CSMD1: variants seen among roughly 807,000 people sequenced by gnomAD.
CSMD1 encodes the protein CUB and Sushi multiple domains 1.
CSMD1 carries 213 observed loss-of-function variants against 417.5 expected under a neutral mutation model. That is an observed-to-expected ratio of 0.51 (90% CI 0.46 to 0.57). The LOEUF (loss-of-function observed/expected upper bound fraction) is 0.57, where lower values mean the gene tolerates loss of function less well. CSMD1 is among the 20% of genes least tolerant of loss of function. The pLI, the probability that CSMD1 is intolerant of heterozygous loss-of-function variation, is 0.00. For synonymous variants in CSMD1, 2,862 were observed against 1,736.8 expected (o/e 1.65, Z -16.11); for missense variants, 6,923 against 4,529.7 (o/e 1.53, Z -15.17).
intron 26 of CSMD1, among the ~76,000 whole-genome samples, chr8:3,230,522 A>T (rs898960962): frequency 3.9e-5 from 6 of 152,186 alleles, no homozygotes; most frequent in Non-Finnish European, 8.8e-5. Flanking sequence ...TAGAATAAAT[A>T]CATACATACA....
At chr8:4,365,370 A>C (rs746915845) in intron 3 of CSMD1, among the ~76,000 whole-genome samples, 4 of 152,176 alleles carry the variant, frequency 2.6e-5, no homozygotes, top group Non-Finnish European at 5.9e-5. Context: ...TCATTTTTTC[A>C]CATTTCTGTA....
At chr8:3,396,970 A>C (rs1042545234) in intron 16 of CSMD1, among the ~76,000 whole-genome samples, 3 of 152,200 alleles carry the variant, frequency 2.0e-5, no homozygotes, top group African/African-American at 7.2e-5. Flanking sequence ...CAGACATGAA[A>C]GGATACTTTA....
intron 3 of CSMD1, among the ~76,000 whole-genome samples, chr8:4,145,154 A>T (rs1457782332): frequency 6.6e-6 from 1 of 151,230 alleles, no homozygotes; most frequent in Non-Finnish European, 1.5e-5. Flanking sequence ...ATGTAATAAA[A>T]GGCACGAACC....
chr8:4,517,219 A>G (rs904524726), intron 2 of CSMD1, among the ~76,000 whole-genome samples: 1 of 152,228 alleles, frequency 6.6e-6, no homozygotes, highest in Non-Finnish European at 1.5e-5. Context: ...TCATATTACA[A>G]TCAAGGCCTA....
intron 8 of CSMD1, among the ~76,000 whole-genome samples, chr8:3,616,214 T>C (rs1802129057): frequency 6.6e-6 from 1 of 152,186 alleles, no homozygotes; most frequent in Non-Finnish European, 1.5e-5. Flanking sequence ...CCACATGTCA[T>C]GGGAGGGACC....
At chr8:4,603,902 T>G (rs752320647) in intron 2 of CSMD1, among the ~76,000 whole-genome samples, 3 of 152,126 alleles carry the variant, frequency 2.0e-5, no homozygotes, top group Non-Finnish European at 2.9e-5. Flanking sequence ...AGTATTACTC[T>G]GGGGGATTTG....
intron 8 of CSMD1, among the ~76,000 whole-genome samples, chr8:3,599,488 A>G (rs181414013): frequency 5.9e-5 from 9 of 152,084 alleles, no homozygotes; most frequent in Admixed American, 5.9e-4. Context: ...AGTAACCCCA[A>G]CGCAGAGTTA....
intron 5 of CSMD1, among the ~76,000 whole-genome samples, chr8:3,807,776 G>C (rs1256867483): frequency 6.6e-6 from 1 of 152,078 alleles, no homozygotes; most frequent in Non-Finnish European, 1.5e-5. Context: ...CTCTCTCTGA[G>C]ATATCTAGAT....
At chr8:3,709,534 C>A (rs983600136) in intron 6 of CSMD1, among the ~76,000 whole-genome samples, 2 of 152,140 alleles carry the variant, frequency 1.3e-5, no homozygotes, top group South Asian at 4.1e-4. Context: ...ACATTTGAAT[C>A]AGCTGACTCA....
chr8:4,071,654 G>C (rs1431589313), intron 3 of CSMD1, among the ~76,000 whole-genome samples: 2 of 152,166 alleles, frequency 1.3e-5, no homozygotes, highest in Non-Finnish European at 2.9e-5. Flanking sequence ...AATATGTGGA[G>C]TGATTAGTTG....
chr8:3,913,039 G>C (rs1808567325), intron 5 of CSMD1, among the ~76,000 whole-genome samples: 1 of 152,142 alleles, frequency 6.6e-6, no homozygotes, highest in Non-Finnish European at 1.5e-5. Context: ...AGAGAATCGT[G>C]ACTTTAGCAG....
At chr8:4,552,441 T>C (rs1005972457) in intron 2 of CSMD1, among the ~76,000 whole-genome samples, 1 of 152,116 alleles carries the variant, frequency 6.6e-6, no homozygotes, top group Non-Finnish European at 1.5e-5. Context: ...GGTTCAACAA[T>C]GTGAAGGTGT....
intron 1 of CSMD1, among the ~76,000 whole-genome samples, chr8:4,933,288 G>C (rs11136805): frequency 6.6e-6 from 1 of 151,918 alleles, no homozygotes; most frequent in Non-Finnish European, 1.5e-5. Context: ...CATTCTCTCA[G>C]AGGAGCACAA....
chr8:3,076,691 C>T (rs1224792237), intron 49 of CSMD1, among the ~76,000 whole-genome samples: 1 of 152,162 alleles, frequency 6.6e-6, no homozygotes, highest in Non-Finnish European at 1.5e-5. Flanking sequence ...ATGTTAGAAA[C>T]CTCATGAAAG....
chr8:3,266,508 A>G (rs573730765), intron 26 of CSMD1, among the ~76,000 whole-genome samples: 6 of 148,322 alleles, frequency 4.0e-5, no homozygotes, highest in Non-Finnish European at 8.9e-5. Context: ...TGGGAGGCTG[A>G]GGCAGGAGAA....
chr8:3,430,397 CTGTT>C (rs1814140185), intron 12 of CSMD1, among the ~76,000 whole-genome samples: 2 of 151,924 alleles, frequency 1.3e-5, no homozygotes, highest in South Asian at 4.2e-4. Flanking sequence ...TATCTGTCTT[CTGTT>C]TATTTTTTTA....
At chr8:3,807,047 A>C (rs1800780153) in intron 5 of CSMD1, among the ~76,000 whole-genome samples, 1 of 152,152 alleles carries the variant, frequency 6.6e-6, no homozygotes, top group African/African-American at 2.4e-5. Flanking sequence ...CTGACTCACA[A>C]GTCTGGTAGC....
intron 2 of CSMD1, among the ~76,000 whole-genome samples, chr8:4,604,109 C>A (rs960905383): frequency 6.6e-6 from 1 of 151,868 alleles, no homozygotes; most frequent in Non-Finnish European, 1.5e-5. Flanking sequence ...ATTTTTTATT[C>A]TTTTTCTTTC....
At chr8:4,570,980 G>C (rs1798865750) in intron 2 of CSMD1, among the ~76,000 whole-genome samples, 1 of 152,092 alleles carries the variant, frequency 6.6e-6, no homozygotes, top group Non-Finnish European at 1.5e-5. Context: ...TGTGGGATTG[G>C]TGGTGATATC....
Sources: gnomAD v4.1 joint callset for allele counts (sites outside exome capture counted in the v4.1 genomes callset) on GRCh38, gnomAD v4.1.1 for gene constraint, MANE v1.5 for transcripts, NCBI Gene and HGNC (gene_info 2026-07-23, HGNC 2026-07-21) for gene names.